SPATA6: variants seen among roughly 807,000 people sequenced by gnomAD.
SPATA6 encodes the protein spermatogenesis-associated protein 6.
In SPATA6, 56 loss-of-function variants were observed where a neutral mutation model predicts 65.3. The observed-to-expected ratio is 0.86, with a 90% CI of 0.69 to 1.07. The LOEUF is 1.07. Ranked by LOEUF, SPATA6 falls within the 50% of genes least tolerant of loss-of-function variation. The probability of loss-of-function intolerance (pLI) is 0.00; values close to 1 mark genes in which losing one functional copy is unlikely to be tolerated. For synonymous variants in SPATA6, 199 were observed against 213.2 expected (o/e 0.93, Z 0.58); for missense variants, 590 against 594.8 (o/e 0.99, Z 0.08).
At chr1:48,413,062 T>A in intron 4 of SPATA6, 48 bp downstream of exon 4, 1 of 589,664 alleles carries the variant, frequency 1.7e-6, no homozygotes, top group Non-Finnish European at 2.5e-6. Flanking sequence ...ATATATTACA[T>A]CAATTTATGA....
At chr1:48,333,168 A>G (rs941333998) in intron 11 of SPATA6, among the ~76,000 whole-genome samples, 5 of 152,126 alleles carry the variant, frequency 3.3e-5, no homozygotes, top group African/African-American at 1.2e-4. Context: ...GCACCATCCA[A>G]TCATCTACCA....
At chr1:48,363,091 C>T (rs915177719) in intron 9 of SPATA6, among the ~76,000 whole-genome samples, 5 of 151,938 alleles carry the variant, frequency 3.3e-5, no homozygotes, top group South Asian at 2.1e-4. Context: ...GAAGTAATTG[C>T]GCAATGGGAA....
At chr1:48,315,773 T>C (rs998281475) in intron 11 of SPATA6, among the ~76,000 whole-genome samples, 1 of 152,170 alleles carries the variant, frequency 6.6e-6, no homozygotes, top group East Asian at 1.9e-4. Flanking sequence ...GCTGACATGA[T>C]TGTATATCTA....
At chr1:48,416,011 TG>T (rs536570756) in intron 3 of SPATA6, among the ~76,000 whole-genome samples, 158 of 152,232 alleles carry the variant, frequency 1.0e-3, no homozygotes, top group African/African-American at 3.7e-3. Context: ...AAGACCAGCC[TG>T]GGCAACGTGG....
At chr1:48,463,739 A>G (rs957620348) in intron 1 of SPATA6, among the ~76,000 whole-genome samples, 2 of 152,154 alleles carry the variant, frequency 1.3e-5, no homozygotes, top group South Asian at 2.1e-4. Context: ...ATAACTTCCT[A>G]TATGTCTGAA....
chr1:48,385,297 C>T lies in SPATA6; in HGVS notation c.909+12G>A. The T allele has an allele frequency of 1.9e-6, 3 of 1,590,578 alleles. No homozygotes were observed. Among genetic ancestry groups the T allele is most frequent in the Admixed American group, 1.8e-5 (1 of 55,178 alleles). ...CCAGAACAATTATTATTCTACAATT[C>T]ATTCTACACACCTTATAATCCTTGG... On this transcript the variant is annotated intron_variant, in intron 9 of 12. Transcript: ENST00000371847.
intron 3 of SPATA6, among the ~76,000 whole-genome samples, chr1:48,419,893 G>C (rs1038690575): frequency 3.9e-5 from 6 of 152,196 alleles, no homozygotes; most frequent in African/African-American, 1.4e-4. Context: ...TGATGGTACT[G>C]ATTTGAAGGT....
chr1:48,315,417 T>A (rs1189729813), intron 11 of SPATA6, among the ~76,000 whole-genome samples: 1 of 151,418 alleles, frequency 6.6e-6, no homozygotes. Flanking sequence ...ATCCAACATA[T>A]AAACAGAACC....
At chr1:48,364,691 G>C (rs2148831841) in intron 9 of SPATA6, among the ~76,000 whole-genome samples, 1 of 152,298 alleles carries the variant, frequency 6.6e-6, no homozygotes, top group South Asian at 2.1e-4. Flanking sequence ...GTAGATTCTG[G>C]ATGTTAGCCC....
intron 3 of SPATA6, among the ~76,000 whole-genome samples, chr1:48,424,662 C>T (rs1653670581): frequency 6.6e-6 from 1 of 152,094 alleles, no homozygotes; most frequent in Admixed American, 6.5e-5. Flanking sequence ...TATTTCTTGT[C>T]TTTTGGATAA....
At chr1:48,362,679 A>AAGAC (rs1553155202) in intron 9 of SPATA6, among the ~76,000 whole-genome samples, 2 of 151,896 alleles carry the variant, frequency 1.3e-5, no homozygotes, top group Non-Finnish European at 2.9e-5. Context: ...ATTCAAAGGA[A>AAGAC]AGACTTCTAA....
intron 3 of SPATA6, among the ~76,000 whole-genome samples, chr1:48,421,461 A>C (rs1211935972): frequency 6.6e-6 from 1 of 152,132 alleles, no homozygotes; most frequent in East Asian, 1.9e-4. Flanking sequence ...AAAGTCAATA[A>C]ATTCCAAGAA....
At chr1:48,279,931 A>C in the SPATA6 span, among the ~76,000 whole-genome samples, 1 of 152,218 alleles carries the variant, frequency 6.6e-6, no homozygotes, top group Non-Finnish European at 1.5e-5. Context: ...CATAGTTGGA[A>C]GTAAAGCACT....
At chr1:48,281,381 A>C in the SPATA6 span, among the ~76,000 whole-genome samples, 1 of 152,064 alleles carries the variant, frequency 6.6e-6, no homozygotes, top group African/African-American at 2.4e-5. Flanking sequence ...TTAGGAAAAG[A>C]GGAAGTCAAA....
chr1:48,447,329 G>A (rs887995344), intron 3 of SPATA6, among the ~76,000 whole-genome samples: 1 of 152,034 alleles, frequency 6.6e-6, no homozygotes, highest in Non-Finnish European at 1.5e-5. Flanking sequence ...GACAAGACTG[G>A]GCAACATTGT....
chr1:48,420,155 T>C (rs1388915583), intron 3 of SPATA6, among the ~76,000 whole-genome samples: 1 of 152,090 alleles, frequency 6.6e-6, no homozygotes, highest in Non-Finnish European at 1.5e-5. Flanking sequence ...ATGATGCCTC[T>C]GTAAAAACCC....
In SPATA6 at chr1:48,420,137, C is replaced by A. The variant is rs1314613233; in HGVS notation, c.239-6986G>T. ...ATGGCCAATGGTTTAAACAATCATG[C>A]CTATGTAATGATGCCTCTGTAAAAA... On this transcript the variant is annotated intron_variant, in intron 3 of 12. Coordinates refer to ENST00000371847, the MANE Select transcript of SPATA6 (RefSeq NM_019073.4). Among the ~76,000 whole-genome samples, 22 of 151,978 alleles carry A rather than the reference C, an allele frequency of 1.4e-4. 1 individual carries two copies. Among genetic ancestry groups the A allele is most frequent in the Admixed American group, 1.4e-3 (22 of 15,250 alleles).
chr1:48,300,749 G>T (rs1644917025), intron 12 of SPATA6, among the ~76,000 whole-genome samples: 2 of 152,090 alleles, frequency 1.3e-5, no homozygotes, highest in Non-Finnish European at 2.9e-5. Context: ...TGCAAGGATG[G>T]TTCATCATGG....
At chr1:48,341,364 G>A (rs1262006473) in intron 11 of SPATA6, among the ~76,000 whole-genome samples, 2 of 152,076 alleles carry the variant, frequency 1.3e-5, no homozygotes, top group African/African-American at 4.8e-5. Flanking sequence ...TTCATTCTGA[G>A]TAGCATGATA....
Sources: gnomAD v4.1 joint callset for allele counts (sites outside exome capture counted in the v4.1 genomes callset) on GRCh38, gnomAD v4.1.1 for gene constraint, MANE v1.5 for transcripts, NCBI Gene and HGNC (gene_info 2026-07-23, HGNC 2026-07-21) for gene names.